LATS1: variants seen among roughly 807,000 people sequenced by gnomAD.
LATS1 encodes the protein serine/threonine-protein kinase LATS1.
A neutral mutation model predicts 106.6 loss-of-function variants in LATS1; 25 were observed. The observed-to-expected ratio is 0.23, with a 90% CI of 0.17 to 0.33. The LOEUF (loss-of-function observed/expected upper bound fraction) is 0.33, where lower values mean the gene tolerates loss of function less well. Among genes scored for constraint, LATS1 ranks in the 10% least tolerant of loss-of-function variants. The pLI is 1.00. For missense variants in LATS1, 1,040 were observed against 1,382.6 expected (o/e 0.75, Z 3.93); for synonymous variants, 465 against 455.6 (o/e 1.02, Z -0.26).
Position 149,702,046 on chromosome 6 carries a change from G to A in LATS1, c.81C>T (p.Ser27=). ...TFPASNYTVS[S]RQMLQEIRES... is the part of the protein sequence containing the mutation. ...CCCGAATTTCTTGTAACATTTGCCG[G>A]CTACTGACAGTATAGTTACTGGCAG... is the stretch of plus-strand genomic sequence containing the variant. The change falls in exon 2 of 8, where the codon AGC becomes AGT. Residue 27 remains serine (S), a synonymous_variant. Transcript: ENST00000543571. 6.2e-7 allele frequency: 1 copy of A among 1,614,048 alleles called. No homozygotes were observed. The highest frequency in any genetic ancestry group is 1.6e-4 in the Middle Eastern group (1 of 6,062).
At chr6:149,696,960 A>C (rs1362161764) in intron 2 of LATS1, 9 of 437,892 alleles carry the variant, frequency 2.1e-5, no homozygotes, top group Non-Finnish European at 3.6e-5. Context: ...TACCAAGCAC[A>C]GTGCCTGGAG....
At chr6:149,673,288 C>T (rs954578191) in intron 7 of LATS1, among the ~76,000 whole-genome samples, 7 of 151,468 alleles carry the variant, frequency 4.6e-5, no homozygotes, top group Non-Finnish European at 1.0e-4. Context: ...TTTGTAGAGA[C>T]ACGGTTGCGC....
chr6:149,708,608 A>G (rs1240115859), intron 1 of LATS1, among the ~76,000 whole-genome samples: 1 of 152,056 alleles, frequency 6.6e-6, no homozygotes, highest in Non-Finnish European at 1.5e-5. Flanking sequence ...CAGATGTAAC[A>G]TATCTCAATT....
intron 7 of LATS1, among the ~76,000 whole-genome samples, chr6:149,673,507 A>AT (rs1235090177): frequency 6.6e-6 from 1 of 151,480 alleles, no homozygotes; most frequent in Non-Finnish European, 1.5e-5. Flanking sequence ...AAAGCATACA[A>AT]TTTTTTTTCT....
rs764673825 is a variant in LATS1, at chr6:149,679,828, T to C, written c.2593+47A>G. On this transcript the variant is annotated intron_variant, in intron 5 of 7. Transcript: ENST00000543571. ...TCTTATATTTTACTACATCAATAAA[T>C]TACATTATTATGAACAAACTAAAAT... 1.1e-5 allele frequency: 14 copies of C among 1,313,270 alleles called. No homozygotes were observed. The South Asian group carries it at 1.8e-4, about 17-fold the overall frequency. The allele number at this position is 1,313,270 out of a possible 1,614,324, so 81.4% of individuals were successfully genotyped here.
At chr6:149,673,346 G>T (rs978408759) in intron 7 of LATS1, among the ~76,000 whole-genome samples, 3 of 151,496 alleles carry the variant, frequency 2.0e-5, no homozygotes, top group African/African-American at 7.3e-5. Context: ...CAATCCACCC[G>T]CCTTGGCTTA....
At chr6:149,695,909 C>T (rs1562345539) in intron 2 of LATS1, among the ~76,000 whole-genome samples, 1 of 148,700 alleles carries the variant, frequency 6.7e-6, no homozygotes, top group East Asian at 2.0e-4. Flanking sequence ...ATTCTTTTTA[C>T]TTTTTTTTTT....
intron 1 of LATS1, among the ~76,000 whole-genome samples, chr6:149,706,097 C>T (rs964096270): frequency 7.4e-6 from 1 of 135,460 alleles, no homozygotes; most frequent in African/African-American, 2.8e-5. Flanking sequence ...GCAGGAGAAT[C>T]GCTTGAACCC....
chr6:149,690,947 C>T (rs1160964037), intron 3 of LATS1, among the ~76,000 whole-genome samples: 3 of 152,172 alleles, frequency 2.0e-5, no homozygotes, highest in East Asian at 1.9e-4. Flanking sequence ...AGAAGCACTA[C>T]TCTTGCTAAC....
intron 4 of LATS1, 52 bp from the exon 5 acceptor site, chr6:149,680,509 T>G (rs1562329238): frequency 7.8e-7 from 1 of 1,274,234 alleles, no homozygotes. Context: ...CAATATTGAA[T>G]ATTAAGAAAT....
chr6:149,704,887 TACACACACACACACACAC>T (rs57029776), intron 1 of LATS1, among the ~76,000 whole-genome samples: 7 of 139,798 alleles, frequency 5.0e-5, no homozygotes, highest in Admixed American at 7.3e-5. Flanking sequence ...AAATTAATTA[TACACACACACACACACAC>T]ACACACACAC....
intron 1 of LATS1, among the ~76,000 whole-genome samples, chr6:149,712,280 C>G (rs895787454): frequency 1.3e-5 from 2 of 152,186 alleles, no homozygotes; most frequent in African/African-American, 4.8e-5. Context: ...TCACCGCAAC[C>G]TCCACCTCCC....
At chr6:149,694,440 A>G (rs1782948242) in intron 3 of LATS1, among the ~76,000 whole-genome samples, 1 of 152,172 alleles carries the variant, frequency 6.6e-6, no homozygotes, top group African/African-American at 2.4e-5. Context: ...CTCCCATAGT[A>G]TTGAGCTTAT....
At chr6:149,672,149 C>T (rs1344955653) in intron 7 of LATS1, among the ~76,000 whole-genome samples, 2 of 151,210 alleles carry the variant, frequency 1.3e-5, no homozygotes, top group African/African-American at 2.4e-5. Context: ...CACCTGACCT[C>T]CCAAAGTGCT....
intron 3 of LATS1, among the ~76,000 whole-genome samples, chr6:149,685,300 G>A (rs867958121): frequency 1.5e-4 from 23 of 152,000 alleles, no homozygotes; most frequent in Admixed American, 1.2e-3. Context: ...TATATTTGTA[G>A]ATAAATTATT....
At chr6:149,686,735 A>G (rs986899711) in intron 3 of LATS1, among the ~76,000 whole-genome samples, 8 of 152,136 alleles carry the variant, frequency 5.3e-5, no homozygotes, top group African/African-American at 1.9e-4. Flanking sequence ...GGCCACACTA[A>G]TTCCTCTCAC....
chr6:149,695,907 T>C (rs906823960), intron 2 of LATS1, among the ~76,000 whole-genome samples: 3 of 152,010 alleles, frequency 2.0e-5, no homozygotes, highest in Admixed American at 1.3e-4. Flanking sequence ...TAATTCTTTT[T>C]ACTTTTTTTT....
At chr6:149,688,269 C>T (rs1782521345) in intron 3 of LATS1, among the ~76,000 whole-genome samples, 2 of 152,002 alleles carry the variant, frequency 1.3e-5, no homozygotes, top group Admixed American at 6.6e-5. Flanking sequence ...TCTGAGATCA[C>T]CTCCTTTTTA....
chr6:149,676,669 C>T lies in LATS1; in HGVS notation c.2662G>A (p.Gly888Arg), dbSNP rs1781739260. The part of the protein sequence containing the change: ...EWGDPSSCRC[G>R]DRLKPLERRA... ...CGCTCTAATGGCTTCAGTCTGTCTC[C>T]ACATCGACAGCTTGAGGGATCCCCC... Residue 888 changes from glycine to arginine, a missense_variant, in exon 6 of 8, where the codon GGA becomes AGA. By Grantham distance (125) the Gly-to-Arg change is moderately radical. Transcript: ENST00000543571. 6.2e-7 allele frequency: 1 copy of T among 1,614,106 alleles called. No individual in the cohort carries two copies. Among genetic ancestry groups the T allele is most frequent in the South Asian group, 1.1e-5 (1 of 91,060 alleles).
Sources: allele counts gnomAD v4.1 joint callset (sites outside exome capture counted in the v4.1 genomes callset), GRCh38; gene constraint gnomAD v4.1.1; transcripts MANE v1.5; gene names NCBI Gene and HGNC (gene_info 2026-07-23, HGNC 2026-07-21).